CADPS: variants seen among roughly 807,000 people sequenced by gnomAD.
The protein encoded by CADPS is calcium dependent secretion activator.
Under a neutral mutation model 167.3 loss-of-function variants are expected in CADPS, and 57 were observed. The ratio of observed to expected loss-of-function variants is 0.34; its 90% confidence interval spans 0.28 to 0.42. The LOEUF (loss-of-function observed/expected upper bound fraction) is 0.42, where lower values mean the gene tolerates loss of function less well. Among genes scored for constraint, CADPS ranks in the 20% least tolerant of loss-of-function variants. The probability of loss-of-function intolerance (pLI) is 1.00; values close to 1 mark genes in which losing one functional copy is unlikely to be tolerated. For missense variants in CADPS, 1,414 were observed against 1,738.1 expected, an observed-to-expected ratio of 0.81 and a Z score of 3.32; for synonymous variants, 676 against 635.3, an observed-to-expected ratio of 1.06 and a Z score of -0.96.
At chr3:62,763,544 T>C (rs2086083403) in intron 2 of CADPS, among the ~76,000 whole-genome samples, 1 of 151,812 alleles carries the variant, frequency 6.6e-6, no homozygotes, top group Non-Finnish European at 1.5e-5. Context: ...TTATAATCCA[T>C]AGAGTCCTGA....
At chr3:62,798,261 C>T (rs569863813) in intron 1 of CADPS, among the ~76,000 whole-genome samples, 40 of 152,200 alleles carry the variant, frequency 2.6e-4, no homozygotes, top group Non-Finnish European at 4.3e-4. Flanking sequence ...TCTGGGTGGG[C>T]ACCATCTAAT....
At chr3:62,705,386 T>C (rs1199595811) in intron 3 of CADPS, among the ~76,000 whole-genome samples, 1 of 152,098 alleles carries the variant, frequency 6.6e-6, no homozygotes, top group Non-Finnish European at 1.5e-5. Flanking sequence ...CAGACAGGCA[T>C]AACAAGGGAT....
intron 28 of CADPS, among the ~76,000 whole-genome samples, chr3:62,415,230 C>T (rs2149313932): frequency 6.6e-6 from 1 of 152,210 alleles, no homozygotes; most frequent in East Asian, 1.9e-4. Flanking sequence ...AAGTAGCACA[C>T]TGATTGTGGC....
intron 6 of CADPS, among the ~76,000 whole-genome samples, chr3:62,606,047 C>T (rs561787347): frequency 5.2e-4 from 79 of 152,068 alleles, no homozygotes; most frequent in Non-Finnish European, 9.9e-4. Context: ...TCCTCTCACT[C>T]CCAATCCTCT....
At chr3:62,782,003 T>TTCCTAATG (rs952859859) in intron 1 of CADPS, among the ~76,000 whole-genome samples, 1 of 152,196 alleles carries the variant, frequency 6.6e-6, no homozygotes, top group African/African-American at 2.4e-5. Flanking sequence ...AGTCACTCAT[T>TTCCTAATG]TCCTAATGTC....
intron 1 of CADPS, among the ~76,000 whole-genome samples, chr3:62,835,899 A>G (rs2075821601): frequency 6.6e-6 from 1 of 152,220 alleles, no homozygotes; most frequent in Non-Finnish European, 1.5e-5. Flanking sequence ...AGTCAAACAC[A>G]TTAGATGACT....
At chr3:62,629,947 A>G (rs891338778) in intron 6 of CADPS, among the ~76,000 whole-genome samples, 2 of 152,090 alleles carry the variant, frequency 1.3e-5, no homozygotes, top group African/African-American at 2.4e-5. Flanking sequence ...ATTTGAAGCT[A>G]ATCTCAAGGG....
intron 3 of CADPS, among the ~76,000 whole-genome samples, chr3:62,745,740 G>A (rs1485370422): frequency 1.3e-5 from 2 of 152,138 alleles, no homozygotes; most frequent in Non-Finnish European, 2.9e-5. Context: ...TGTAATGTGG[G>A]CATTTAAGCT....
intron 17 of CADPS, among the ~76,000 whole-genome samples, chr3:62,504,260 A>G (rs1467273194): frequency 6.6e-6 from 1 of 152,210 alleles, no homozygotes; most frequent in East Asian, 1.9e-4. Context: ...ATTTAAAAGG[A>G]GGCAACTACT....
At chr3:62,479,538 GT>G (rs1449375453) in intron 22 of CADPS, among the ~76,000 whole-genome samples, 1 of 152,244 alleles carries the variant, frequency 6.6e-6, no homozygotes, top group African/African-American at 2.4e-5. Context: ...AATATAGCTA[GT>G]GCATAAATGC....
At chr3:62,667,928 G>A (rs1315536588) in intron 3 of CADPS, among the ~76,000 whole-genome samples, 2 of 152,132 alleles carry the variant, frequency 1.3e-5, no homozygotes, top group African/African-American at 4.8e-5. Flanking sequence ...CCTGGGCCTG[G>A]AGCCTCCTTA....
At chr3:62,734,022 T>A (rs1005359371) in intron 3 of CADPS, among the ~76,000 whole-genome samples, 1 of 152,230 alleles carries the variant, frequency 6.6e-6, no homozygotes, top group Non-Finnish European at 1.5e-5. Context: ...AACATTTTCT[T>A]TATCTACTTG....
At chr3:62,479,539 T>C (rs963339530) in intron 22 of CADPS, among the ~76,000 whole-genome samples, 5 of 152,208 alleles carry the variant, frequency 3.3e-5, no homozygotes, top group African/African-American at 1.2e-4. Context: ...ATATAGCTAG[T>C]GCATAAATGC....
intron 3 of CADPS, among the ~76,000 whole-genome samples, chr3:62,739,565 C>T (rs1351725179): frequency 6.6e-6 from 1 of 152,106 alleles, no homozygotes; most frequent in Non-Finnish European, 1.5e-5. Context: ...TTTTGGCCTC[C>T]CTATACATAA....
rs1298638581 is a variant in CADPS at position 62,478,337 on chromosome 3, C to T, written c.3253G>A (p.Glu1085Lys). 6.2e-7 allele frequency: 1 copy of T among 1,613,876 alleles called. No individual in the cohort carries two copies. Among genetic ancestry groups the T allele is most frequent in the Non-Finnish European group, 8.5e-7 (1 of 1,179,824 alleles). Residue 1085 changes from glutamate to lysine, a missense_variant, in exon 23 of 30, where the codon GAA becomes AAA. Physicochemically the swap from Glu to Lys is moderately conservative, Grantham distance 56. Around this residue, in one of 6 missense-constraint regions of CADPS, gnomAD observed 529 missense variants for 629.6 expected, o/e 0.84. Coordinates refer to ENST00000383710, the MANE Select transcript of CADPS (RefSeq NM_003716.4). The surrounding 1 kb of genome is among the most constrained non-coding windows in gnomAD (Gnocchi z 5.7). ...QTFIRDLHWP[E>K]EEFGKHLEQR... Reference sequence around the variant, plus strand: ...TCCAGGTGCTTTCCAAACTCTTCTTCAGGCCAGTGCAGGTCCCGAATGAAG... The same window carrying T: ...TCCAGGTGCTTTCCAAACTCTTCTTTAGGCCAGTGCAGGTCCCGAATGAAG...
At chr3:62,488,458 G>A (rs1301533825) in intron 21 of CADPS, among the ~76,000 whole-genome samples, 1 of 150,818 alleles carries the variant, frequency 6.6e-6, no homozygotes, top group African/African-American at 2.5e-5. Context: ...ATTTTAGTTA[G>A]CACTGTTTTT....
intron 26 of CADPS, among the ~76,000 whole-genome samples, chr3:62,450,427 G>A (rs978198179): frequency 1.3e-5 from 2 of 152,230 alleles, no homozygotes; most frequent in African/African-American, 4.8e-5. Context: ...GGAGGGGGTA[G>A]GGCTTGCCCC....
chr3:62,659,643 C>A lies in CADPS; in HGVS notation c.969+2671G>T, dbSNP rs191143765. On this transcript the variant is annotated intron_variant, in intron 4 of 29. Coordinates refer to ENST00000383710, the MANE Select transcript of CADPS (RefSeq NM_003716.4). ...CTTTCTACCACTGGAAGACAACAGCCTTGCTGACCCACAGTCCACAGGCCC... is the reference window on the plus strand; with the variant it reads ...CTTTCTACCACTGGAAGACAACAGCATTGCTGACCCACAGTCCACAGGCCC... 5.3e-5 allele frequency among the ~76,000 whole-genome samples: 8 copies of A among 152,322 alleles called. No individual in the cohort carries two copies. The East Asian group carries it at 1.5e-3, about 29-fold the overall frequency.
At chr3:62,621,698 C>T (rs1201629303) in intron 6 of CADPS, among the ~76,000 whole-genome samples, 1 of 151,826 alleles carries the variant, frequency 6.6e-6, no homozygotes, top group Non-Finnish European at 1.5e-5. Flanking sequence ...GATATTAAGC[C>T]TAGTACCCTT....
Sources: gnomAD v4.1 joint callset for allele counts (sites outside exome capture counted in the v4.1 genomes callset) on GRCh38, gnomAD v4.1.1 for gene constraint, gnomAD v4.1.1 regional missense constraint, Gnocchi (gnomAD v3.1) non-coding constraint, MANE v1.5 for transcripts, NCBI Gene and HGNC (gene_info 2026-07-23, HGNC 2026-07-21) for gene names.